Variants in HCRTR2 observed in about 807,000 individuals in gnomAD.
HCRTR2 encodes orexin receptor type 2.
Under a neutral mutation model 49.0 loss-of-function variants are expected in HCRTR2, and 22 were observed. That is an observed-to-expected ratio of 0.45 (90% CI 0.32 to 0.64). The LOEUF (loss-of-function observed/expected upper bound fraction) is 0.64. HCRTR2 is among the 30% of genes least tolerant of loss of function. The pLI, the probability that HCRTR2 is intolerant of heterozygous loss-of-function variation, is 0.04. For missense variants in HCRTR2, 491 were observed against 559.4 expected (o/e 0.88, Z 1.23); for synonymous variants, 236 against 205.3 (o/e 1.15, Z -1.28).
rs1766628117 is a variant in HCRTR2 at position 55,255,211 on chromosome 6, T to C, written c.478T>C (p.Leu160=). 6.2e-7 allele frequency: 1 copy of C among 1,614,066 alleles called. No homozygotes were observed. The highest frequency in any genetic ancestry group is 8.5e-7 in the Non-Finnish European group (1 of 1,179,974). ...TCGGTGGTATGCAATCTGTCACCCT[T>C]TGATGTTTAAGAGCACAGCAAAGCG... is the stretch of plus-strand genomic sequence containing the variant. ...LDRWYAICHP[L]MFKSTAKRAR... The change falls in exon 3 of 7, where the codon TTG becomes CTG. Residue 160 remains leucine (L), a synonymous_variant. Coordinates refer to ENST00000370862, the MANE Select transcript of HCRTR2 (RefSeq NM_001384272.1).
At chr6:55,180,726 C>T (rs559500621) in intron 1 of HCRTR2, among the ~76,000 whole-genome samples, 171 of 152,206 alleles carry the variant, frequency 1.1e-3, no homozygotes, top group African/African-American at 3.9e-3. Context: ...TTCTTTTTGT[C>T]ATGCATTGCC....
At chr6:55,238,847 C>T in intron 1 of HCRTR2, among the ~76,000 whole-genome samples, 1 of 152,102 alleles carries the variant, frequency 6.6e-6, no homozygotes, top group East Asian at 1.9e-4. Flanking sequence ...AAAAGCATTT[C>T]TACAGAAAAG....
At chr6:55,278,614 G>A (rs77633954) in intron 5 of HCRTR2, among the ~76,000 whole-genome samples, 2,234 of 152,118 alleles carry the variant, frequency 0.015, 53 homozygotes, top group African/African-American at 0.05. Context: ...TACAGTCACA[G>A]CCTTAAAGAT....
chr6:55,273,093 T>C (rs922502762), intron 4 of HCRTR2, among the ~76,000 whole-genome samples: 7 of 152,018 alleles, frequency 4.6e-5, no homozygotes, highest in African/African-American at 1.7e-4. Context: ...GCAAATCTTA[T>C]CAGAGCAGTA....
At chr6:55,278,584 T>C (rs1420114447) in intron 5 of HCRTR2, among the ~76,000 whole-genome samples, 1 of 152,128 alleles carries the variant, frequency 6.6e-6, no homozygotes, top group Non-Finnish European at 1.5e-5. Context: ...AACAAACTTC[T>C]GTTCAGTGAT....
intron 4 of HCRTR2, among the ~76,000 whole-genome samples, chr6:55,269,106 A>AG (rs1766921347): frequency 6.7e-6 from 1 of 148,886 alleles, no homozygotes; most frequent in Non-Finnish European, 1.5e-5. Context: ...AAAAAAAAAA[A>AG]GAAATAAAGA....
At chr6:55,265,750 A>C (rs1401326330) in intron 4 of HCRTR2, among the ~76,000 whole-genome samples, 1 of 152,098 alleles carries the variant, frequency 6.6e-6, no homozygotes, top group Non-Finnish European at 1.5e-5. Flanking sequence ...AGACTGCATG[A>C]ATTTAAATCC....
intron 1 of HCRTR2, among the ~76,000 whole-genome samples, chr6:55,175,893 G>A (rs1765031169): frequency 6.6e-6 from 1 of 152,148 alleles, no homozygotes; most frequent in South Asian, 2.1e-4. Context: ...CACATGCAGA[G>A]GGCAGTGTGG....
At chr6:55,232,717 G>A (rs1039376170) in intron 1 of HCRTR2, among the ~76,000 whole-genome samples, 6 of 152,100 alleles carry the variant, frequency 3.9e-5, no homozygotes, top group Non-Finnish European at 1.5e-5. Flanking sequence ...CATCCATTAT[G>A]TTCCAAGCTT....
intron 1 of HCRTR2, among the ~76,000 whole-genome samples, chr6:55,245,293 T>C (rs1766410475): frequency 6.7e-6 from 1 of 150,074 alleles, no homozygotes; most frequent in Non-Finnish European, 1.5e-5. Context: ...TTTATAAATA[T>C]CTTTTTTTCT....
At chr6:55,191,177 A>G (rs1205783139) in intron 1 of HCRTR2, among the ~76,000 whole-genome samples, 1 of 152,218 alleles carries the variant, frequency 6.6e-6, no homozygotes, top group Non-Finnish European at 1.5e-5. Context: ...TATTTTTAGT[A>G]TATTAAATTT....
chr6:55,168,144 T>C (rs1764902713), intron 1 of HCRTR2, among the ~76,000 whole-genome samples: 1 of 152,180 alleles, frequency 6.6e-6, no homozygotes, highest in Admixed American at 6.5e-5. Context: ...GATACAAAGA[T>C]GAATGAGAAA....
intron 5 of HCRTR2, among the ~76,000 whole-genome samples, chr6:55,279,202 TC>T (rs780576699): frequency 9.5e-4 from 145 of 152,258 alleles, no homozygotes; most frequent in Non-Finnish European, 1.1e-3. Context: ...ACATTTTTTT[TC>T]AAATGCTTAT....
intron 1 of HCRTR2, among the ~76,000 whole-genome samples, chr6:55,120,831 T>G (rs904682421): frequency 3.9e-5 from 6 of 152,098 alleles, no homozygotes; most frequent in African/African-American, 1.4e-4. Context: ...TCCATTGGTC[T>G]GTATCTCTGT....
chr6:55,262,277 AT>A (rs1350242335), intron 3 of HCRTR2, among the ~76,000 whole-genome samples: 3 of 147,244 alleles, frequency 2.0e-5, no homozygotes, highest in Non-Finnish European at 4.5e-5. Context: ...AATTAAAAAA[AT>A]ACATACATAC....
chr6:55,219,656 G>C (rs1415582351), intron 1 of HCRTR2, among the ~76,000 whole-genome samples: 1 of 151,746 alleles, frequency 6.6e-6, no homozygotes, highest in Non-Finnish European at 1.5e-5. Context: ...AGTGGAAGAA[G>C]GAGAAAATAC....
chr6:55,141,663 G>A (rs919887120), intron 1 of HCRTR2, among the ~76,000 whole-genome samples: 7 of 152,108 alleles, frequency 4.6e-5, no homozygotes, highest in Admixed American at 6.5e-5. Context: ...TTTGAACCCA[G>A]CTGTTGGATG....
intron 1 of HCRTR2, among the ~76,000 whole-genome samples, chr6:55,150,011 TA>T (rs1459108002): frequency 6.6e-6 from 1 of 151,998 alleles, no homozygotes; most frequent in Admixed American, 6.6e-5. Context: ...ACAGAAGCAC[TA>T]AGGAACATTA....
intron 1 of HCRTR2, among the ~76,000 whole-genome samples, chr6:55,165,237 GA>G (rs1396978917): frequency 2.6e-5 from 4 of 151,384 alleles, no homozygotes; most frequent in Non-Finnish European, 5.9e-5. Flanking sequence ...GAGAGAGAGA[GA>G]GTGGGATAGG....
Sources: allele counts gnomAD v4.1 joint callset (sites outside exome capture counted in the v4.1 genomes callset), GRCh38; gene constraint gnomAD v4.1.1; transcripts MANE v1.5; gene names NCBI Gene and HGNC (gene_info 2026-07-23, HGNC 2026-07-21).